The following SH2D4A variants were observed in gnomAD, a reference collection of about 807,000 sequenced individuals.
SH2D4A encodes the protein SH2 domain-containing protein 4A.
SH2D4A carries 70 observed loss-of-function variants against 64.7 expected under a neutral mutation model. That is an observed-to-expected ratio of 1.08 (90% CI 0.89 to 1.32). The LOEUF (loss-of-function observed/expected upper bound fraction) is 1.32, where lower values mean the gene tolerates loss of function less well. Ranked by LOEUF, SH2D4A falls within the 40% of genes most tolerant of loss-of-function variation. The pLI, the probability that SH2D4A is intolerant of heterozygous loss-of-function variation, is 0.00. For synonymous variants in SH2D4A, 268 were observed against 200.7 expected, an observed-to-expected ratio of 1.34 and a Z score of -2.83; for missense variants, 706 against 540.1, an observed-to-expected ratio of 1.31 and a Z score of -3.04.
At chr8:19,325,085 C>T (rs138292884) in intron 2 of SH2D4A, among the ~76,000 whole-genome samples, 33 of 152,222 alleles carry the variant, frequency 2.2e-4, no homozygotes, top group African/African-American at 6.3e-4. Context: ...CAACTCCCTC[C>T]GGCGTCTGCT....
rs757308963 is a variant in SH2D4A at position 19,319,734 on chromosome 8, C to G, written c.181+6C>G. ...GAAACCCAGACCAAAGAAAGGTAAA[C>G]TTATCCACGTTTCTTCTGTGGATGT... On this transcript the variant is annotated splice_donor_region_variant and intron_variant, in intron 2 of 9. Transcript: ENST00000265807. The G allele has an allele frequency of 6.4e-7, 1 of 1,564,714 alleles. No individual in the cohort carries two copies. The highest frequency in any genetic ancestry group is 1.2e-5 in the South Asian group (1 of 82,254).
intron 8 of SH2D4A, among the ~76,000 whole-genome samples, chr8:19,374,543 A>G (rs911623874): frequency 8.5e-5 from 13 of 152,224 alleles, no homozygotes; most frequent in African/African-American, 2.9e-4. Flanking sequence ...ATATACCCAC[A>G]AAAAGGAAAC....
intron 4 of SH2D4A, among the ~76,000 whole-genome samples, chr8:19,353,840 T>G (rs1257649375): frequency 6.6e-6 from 1 of 152,088 alleles, no homozygotes; most frequent in Non-Finnish European, 1.5e-5. Context: ...TTTAGAATAA[T>G]GGCAAAATCT....
chr8:19,378,391 A>G (rs1473565717), intron 8 of SH2D4A, among the ~76,000 whole-genome samples: 1 of 152,158 alleles, frequency 6.6e-6, no homozygotes, highest in African/African-American at 2.4e-5. Flanking sequence ...TTATTATGTA[A>G]AAGTATGCAC....
chr8:19,390,262 T>A (rs1390436192), intron 8 of SH2D4A, among the ~76,000 whole-genome samples: 1 of 152,040 alleles, frequency 6.6e-6, no homozygotes, highest in Non-Finnish European at 1.5e-5. Context: ...GCTCCTGTAA[T>A]CCCAGCTACA....
chr8:19,327,026 A>G (rs2117192224), intron 2 of SH2D4A, among the ~76,000 whole-genome samples: 1 of 152,276 alleles, frequency 6.6e-6, no homozygotes, highest in African/African-American at 2.4e-5. Flanking sequence ...CCCCACTTTT[A>G]TCTGATGTTT....
intron 4 of SH2D4A, among the ~76,000 whole-genome samples, chr8:19,355,481 T>C (rs573538733): frequency 6.6e-6 from 1 of 152,310 alleles, no homozygotes; most frequent in East Asian, 1.9e-4. Flanking sequence ...ATATGGTAAA[T>C]AGCAATTGTG....
At chr8:19,374,148 G>A (rs988834865) in intron 8 of SH2D4A, among the ~76,000 whole-genome samples, 10 of 152,168 alleles carry the variant, frequency 6.6e-5, no homozygotes, top group African/African-American at 2.4e-4. Context: ...TTGTGGTCTT[G>A]GAAGTGAAAA....
chr8:19,387,604 C>G (rs967011535), intron 8 of SH2D4A, among the ~76,000 whole-genome samples: 8 of 152,202 alleles, frequency 5.3e-5, no homozygotes, highest in Non-Finnish European at 1.0e-4. Flanking sequence ...TCTTCTGACA[C>G]AGCCAGATCA....
At chr8:19,316,816 T>A (rs1388877749) in intron 1 of SH2D4A, among the ~76,000 whole-genome samples, 2 of 152,214 alleles carry the variant, frequency 1.3e-5, no homozygotes, top group African/African-American at 4.8e-5. Flanking sequence ...GCTTACCAGC[T>A]GCTGACCTGT....
At chr8:19,363,626 G>T (rs1301859977) in intron 6 of SH2D4A, among the ~76,000 whole-genome samples, 1 of 152,102 alleles carries the variant, frequency 6.6e-6, no homozygotes, top group African/African-American at 2.4e-5. Flanking sequence ...ACAGCCCCAT[G>T]CCACTGAGTA....
chr8:19,379,148 T>C (rs907860733), intron 8 of SH2D4A, among the ~76,000 whole-genome samples: 16 of 151,700 alleles, frequency 1.1e-4, no homozygotes, highest in Non-Finnish European at 2.2e-4. Context: ...CTTGTAAAAC[T>C]GAAACTACCC....
intron 8 of SH2D4A, 39 bp downstream of exon 8, chr8:19,373,699 G>C (rs748985860): frequency 3.8e-6 from 6 of 1,594,920 alleles, no homozygotes; most frequent in Non-Finnish European, 5.1e-6. Context: ...TTCGTCTTAG[G>C]GCGGATGAAG....
At chr8:19,331,110 A>T (rs1277258228) in intron 2 of SH2D4A, among the ~76,000 whole-genome samples, 1 of 152,190 alleles carries the variant, frequency 6.6e-6, no homozygotes, top group Non-Finnish European at 1.5e-5. Context: ...TTTAGAACAT[A>T]CTGCAGGAGT....
In SH2D4A at chr8:19,393,432, AG is replaced by A; in HGVS notation, c.1165del (p.Asp389ThrfsTer104). On this transcript the variant is annotated frameshift_variant, in exon 9 of 10. Transcript: ENST00000265807. LOFTEE classifies it high-confidence loss of function. ...IKGYALSYLS[E>X]DGCKHFLIDA... ...GGCTATGCCCTGTCCTATCTGTCGG[AG>A]GACGGCTGTAAACATTTCCTCATCG... 6.2e-7 allele frequency: 1 copy of A among 1,614,240 alleles called. No homozygotes were observed. Among genetic ancestry groups the A allele is most frequent in the South Asian group, 1.1e-5 (1 of 91,090 alleles).
In SH2D4A at chr8:19,393,307, C is replaced by T. The variant is rs1215052915; in HGVS notation, c.1049-11C>T. On this transcript the variant is annotated splice_polypyrimidine_tract_variant and intron_variant, in intron 8 of 9. Coordinates refer to ENST00000265807, the MANE Select transcript of SH2D4A (RefSeq NM_022071.4). Reference sequence around the variant, plus strand: ...TGGCTGAAATACCTGCCTTTTTTTGCTTTGCCACAGGAATTCTCACACTCA... The same window carrying T: ...TGGCTGAAATACCTGCCTTTTTTTGTTTTGCCACAGGAATTCTCACACTCA... The T allele has an allele frequency of 2.5e-6, 4 of 1,611,396 alleles. No individual in the cohort carries two copies. The African/African-American group carries it at 5.4e-5, about 22-fold the overall frequency.
At chr8:19,348,689 C>T (rs1297140048) in intron 4 of SH2D4A, among the ~76,000 whole-genome samples, 1 of 152,188 alleles carries the variant, frequency 6.6e-6, no homozygotes, top group Non-Finnish European at 1.5e-5. Flanking sequence ...TCTCATTCAT[C>T]TCAAAGTGTT....
chr8:19,389,006 C>A lies in SH2D4A; in HGVS notation c.1049-4312C>A, dbSNP rs562954758. Among the ~76,000 whole-genome samples, 21 of 152,268 alleles carry A rather than the reference C, an allele frequency of 1.4e-4. No individual in the cohort carries two copies. The South Asian group carries it at 2.7e-3, about 20-fold the overall frequency. On this transcript the variant is annotated intron_variant, in intron 8 of 9. Transcript: ENST00000265807. Reference sequence around the variant, plus strand: ...GATGGAGGTAAGTACAGGTGAAACCCTGCATTGACCACTTGAGTGCTCAGA... The same window carrying A: ...GATGGAGGTAAGTACAGGTGAAACCATGCATTGACCACTTGAGTGCTCAGA...
At chr8:19,385,378 G>A (rs1318977120) in intron 8 of SH2D4A, among the ~76,000 whole-genome samples, 1 of 151,894 alleles carries the variant, frequency 6.6e-6, no homozygotes, top group Admixed American at 6.6e-5. Flanking sequence ...ACCCTGCTAA[G>A]TTTTGTATTT....
Sources: allele counts gnomAD v4.1 joint callset (sites outside exome capture counted in the v4.1 genomes callset), GRCh38; gene constraint gnomAD v4.1.1; transcripts MANE v1.5; gene names NCBI Gene and HGNC (gene_info 2026-07-23, HGNC 2026-07-21).